Variants in DDAH1 observed in about 807,000 individuals in gnomAD.
The protein encoded by DDAH1 is N(G),N(G)-dimethylarginine dimethylaminohydrolase 1.
In DDAH1, 19 loss-of-function variants were observed where a neutral mutation model predicts 28.8. That is an observed-to-expected ratio of 0.66 (90% CI 0.46 to 0.97). The LOEUF (loss-of-function observed/expected upper bound fraction) is 0.97. Among genes scored for constraint, DDAH1 ranks in the 50% least tolerant of loss-of-function variants. The pLI, the probability that DDAH1 is intolerant of heterozygous loss-of-function variation, is 0.00. For synonymous variants in DDAH1, 153 were observed against 154.4 expected, an observed-to-expected ratio of 0.99 and a Z score of 0.07; for missense variants, 326 against 375.9, an observed-to-expected ratio of 0.87 and a Z score of 1.10.
At chr1:85,414,135 A>C (rs1393520920) in intron 1 of DDAH1, among the ~76,000 whole-genome samples, 1 of 152,168 alleles carries the variant, frequency 6.6e-6, no homozygotes, top group Non-Finnish European at 1.5e-5. Flanking sequence ...ATAGAGAGAG[A>C]CAAATAGAAC....
intron 1 of DDAH1, among the ~76,000 whole-genome samples, chr1:85,453,180 A>G (rs1654741787): frequency 6.6e-6 from 1 of 152,178 alleles, no homozygotes; most frequent in South Asian, 2.1e-4. Context: ...ACTTTCAAGA[A>G]AATGTTCTAA....
rs1195964780 is a variant in DDAH1 at position 85,415,650 on chromosome 1, G to GA, written c.303+49092dup. On this transcript the variant is annotated intron_variant, in intron 1 of 5. Coordinates refer to ENST00000284031, the MANE Select transcript of DDAH1 (RefSeq NM_012137.4). ...TCTATTTATGCAAAGTTCAAAAACA[G>GA]AAAAAAATGAAACACTATATTATTT... is the stretch of plus-strand genomic sequence containing the variant. 6.6e-5 allele frequency among the ~76,000 whole-genome samples: 10 copies of GA among 151,984 alleles called. 1 individual carries two copies. Among genetic ancestry groups the GA allele is most frequent in the Non-Finnish European group, 5.9e-5 (4 of 67,944 alleles).
intron 1 of DDAH1, among the ~76,000 whole-genome samples, chr1:85,551,911 G>C (rs1158814897): frequency 6.6e-6 from 1 of 152,194 alleles, no homozygotes; most frequent in Non-Finnish European, 1.5e-5. Context: ...GATTGGGGAA[G>C]AAACAGCTGA....
chr1:85,572,684 C>T (rs535726108), intron 1 of DDAH1, among the ~76,000 whole-genome samples: 5 of 152,354 alleles, frequency 3.3e-5, no homozygotes, highest in African/African-American at 7.2e-5. Flanking sequence ...CCGGCACTAA[C>T]GCTCAGGCAT....
intron 3 of DDAH1, among the ~76,000 whole-genome samples, chr1:85,350,858 A>G (rs758206070): frequency 2.0e-4 from 30 of 152,074 alleles, no homozygotes; most frequent in Non-Finnish European, 3.2e-4. Context: ...TGGGGAACGG[A>G]GCATCTTGAG....
At chr1:85,388,022 A>C (rs12116463) in intron 1 of DDAH1, among the ~76,000 whole-genome samples, 7,022 of 151,920 alleles carry the variant, frequency 0.046, 265 homozygotes, top group South Asian at 0.18. Context: ...TAGAGTGAGC[A>C]CTCACTCATT....
At chr1:85,431,083 CGA>C (rs941626519) in intron 1 of DDAH1, among the ~76,000 whole-genome samples, 15 of 151,998 alleles carry the variant, frequency 9.9e-5, no homozygotes, top group African/African-American at 2.9e-4. Context: ...CCTAGTTTAT[CGA>C]GAGTTTTTAG....
At position 85,386,482 on chromosome 1, in the gene DDAH1, C is replaced by T. The variant is rs868837100; in HGVS notation, c.304-27635G>A. On this transcript the variant is annotated intron_variant, in intron 1 of 5. Transcript: ENST00000284031. The stretch of plus-strand genomic sequence containing the variant: ...CAATCCTTGACTCTATGTCCCACAT[C>T]CAGAGCACACCGGTGCAAGGGGTGG... Among the ~76,000 whole-genome samples the T allele has an allele frequency of 3.9e-5, 6 of 152,224 alleles. No homozygotes were observed. In the South Asian group the frequency reaches 8.3e-4, roughly 21 times the overall value.
At position 85,336,088 on chromosome 1, in the gene DDAH1, C is replaced by T. The variant is rs375403715; in HGVS notation, c.598-11205G>A. ...AATAGCTAGGGACTTCAACACTCCA[C>T]TCTCAGCAAAAGACAGAAAGTGAAC... On this transcript the variant is annotated intron_variant, in intron 4 of 5. Transcript: ENST00000284031. Among the ~76,000 whole-genome samples the T allele has an allele frequency of 1.1e-4, 16 of 152,312 alleles. No homozygotes were observed. The East Asian group carries it at 2.9e-3, about 27-fold the overall frequency.
At chr1:85,536,973 AT>A (rs1658303312) in intron 1 of DDAH1, among the ~76,000 whole-genome samples, 19 of 72,742 alleles carry the variant, frequency 2.6e-4, no homozygotes, top group Admixed American at 7.9e-4. Flanking sequence ...ATATATATAT[AT>A]ATATATATAT....
chr1:85,465,528 A>G, upstream of DDAH1, among the ~76,000 whole-genome samples: 1 of 152,280 alleles, frequency 6.6e-6, no homozygotes, highest in East Asian at 1.9e-4. Flanking sequence ...CTTTACCTGA[A>G]CAGTTTAAAC....
intron 4 of DDAH1, among the ~76,000 whole-genome samples, chr1:85,348,124 C>A (rs1165727381): frequency 1.3e-5 from 2 of 152,136 alleles, no homozygotes; most frequent in Non-Finnish European, 2.9e-5. Context: ...AGAAAAGGAA[C>A]ATCATTATTA....
intron 1 of DDAH1, among the ~76,000 whole-genome samples, chr1:85,541,202 T>C (rs988942784): frequency 1.3e-5 from 2 of 152,204 alleles, no homozygotes; most frequent in Admixed American, 6.5e-5. Context: ...TGGGCCTGCA[T>C]AGTAGCACTT....
chr1:85,379,341 T>TA (rs1650858374), intron 1 of DDAH1, among the ~76,000 whole-genome samples: 1 of 152,214 alleles, frequency 6.6e-6, no homozygotes, highest in South Asian at 2.1e-4. Flanking sequence ...GCAATAGCTA[T>TA]AGTCAATAAT....
intron 1 of DDAH1, among the ~76,000 whole-genome samples, chr1:85,454,480 G>A (rs1451989159): frequency 1.3e-5 from 2 of 152,208 alleles, no homozygotes; most frequent in African/African-American, 4.8e-5. Context: ...CTGGCCAACA[G>A]GAATGGCCCT....
chr1:85,379,238 A>G (rs1650851897), intron 1 of DDAH1, among the ~76,000 whole-genome samples: 1 of 152,198 alleles, frequency 6.6e-6, no homozygotes, highest in African/African-American at 2.4e-5. Context: ...GCCACCAGCT[A>G]GTTATATTTC....
upstream of DDAH1, among the ~76,000 whole-genome samples, chr1:85,465,809 A>C (rs185792749): frequency 1.6e-4 from 25 of 152,180 alleles, no homozygotes; most frequent in Non-Finnish European, 2.4e-4. Flanking sequence ...CAAACCACTG[A>C]AAAGTAACTA....
At chr1:85,437,216 C>A (rs928327923) in intron 1 of DDAH1, among the ~76,000 whole-genome samples, 2 of 152,172 alleles carry the variant, frequency 1.3e-5, no homozygotes, top group African/African-American at 2.4e-5. Flanking sequence ...ACTGGAGAGA[C>A]CACATGGCAT....
intron 1 of DDAH1, among the ~76,000 whole-genome samples, chr1:85,539,007 C>T (rs1658383870): frequency 6.6e-6 from 1 of 152,132 alleles, no homozygotes. Flanking sequence ...CTTGTCTTTT[C>T]CCCCACTATT....
Sources: allele counts gnomAD v4.1 joint callset (sites outside exome capture counted in the v4.1 genomes callset), GRCh38; gene constraint gnomAD v4.1.1; transcripts MANE v1.5; gene names NCBI Gene and HGNC (gene_info 2026-07-23, HGNC 2026-07-21).